PALM2AKAP2: variants seen among roughly 807,000 people sequenced by gnomAD.
The protein encoded by PALM2AKAP2 is PALM2 and AKAP2 fusion, also known as PALM2-AKAP2 fusion protein.
Under a neutral mutation model 71.5 loss-of-function variants are expected in PALM2AKAP2, and 37 were observed. The observed-to-expected ratio is 0.52, with a 90% CI of 0.40 to 0.68. The LOEUF (loss-of-function observed/expected upper bound fraction) is 0.68, where lower values mean the gene tolerates loss of function less well. Among genes scored for constraint, PALM2AKAP2 ranks in the 30% least tolerant of loss-of-function variants. The probability of loss-of-function intolerance (pLI) is 0.00; values close to 1 mark genes in which losing one functional copy is unlikely to be tolerated. For synonymous variants in PALM2AKAP2, 468 were observed against 478.8 expected, an observed-to-expected ratio of 0.98 and a Z score of 0.29; for missense variants, 1,224 against 1,191.8, an observed-to-expected ratio of 1.03 and a Z score of -0.40.
chr9:109,742,593 A>G lies in PALM2AKAP2; in HGVS notation c.6-37895A>G, dbSNP rs528396748. On this transcript the variant is annotated intron_variant, in intron 1 of 6. Coordinates refer to the PALM2AKAP2 transcript ENST00000374531. ...TCTGTGTTCTATATGGCTCCCACAC[A>G]TACTATGACCATTTCCACTTGAGGT... 2.0e-5 allele frequency among the ~76,000 whole-genome samples: 3 copies of G among 152,310 alleles called. No homozygotes were observed. The East Asian group carries it at 5.8e-4, about 29-fold the overall frequency.
intron 1 of PALM2AKAP2, among the ~76,000 whole-genome samples, chr9:109,768,088 GACAGGC>G (rs1829191783): frequency 1.3e-5 from 2 of 150,418 alleles, no homozygotes; most frequent in African/African-American, 4.9e-5. Flanking sequence ...AGGGAGGGAA[GACAGGC>G]AGGAAGAAAG....
At chr9:110,132,039 G>A (rs1835746490) in intron 1 of PALM2AKAP2, among the ~76,000 whole-genome samples, 1 of 20,024 alleles carries the variant, frequency 5.0e-5, no homozygotes, top group Admixed American at 3.9e-4. Context: ...TAGCGTGTGT[G>A]TGTGTGTGTG....
At chr9:109,669,537 A>G (rs1827544014) in intron 1 of PALM2AKAP2, among the ~76,000 whole-genome samples, 1 of 152,040 alleles carries the variant, frequency 6.6e-6, no homozygotes, top group Non-Finnish European at 1.5e-5. Flanking sequence ...TCTTCCTTAA[A>G]TGTTTGATAG....
chr9:110,016,990 C>G (rs990953073), intron 7 of PALM2AKAP2, among the ~76,000 whole-genome samples: 1 of 152,184 alleles, frequency 6.6e-6, no homozygotes, highest in African/African-American at 2.4e-5. Flanking sequence ...TGCCATTCTC[C>G]TGCCTCAGCC....
At chr9:109,691,879 CACAT>C (rs1302428531) in intron 1 of PALM2AKAP2, among the ~76,000 whole-genome samples, 581 of 50,458 alleles carry the variant, frequency 0.012, 31 homozygotes, top group Middle Eastern at 0.025. Context: ...CACACACACA[CACAT>C]ATATATATAT....
intron 1 of PALM2AKAP2, among the ~76,000 whole-genome samples, chr9:109,754,689 G>C (rs893453354): frequency 1.3e-5 from 2 of 152,076 alleles, no homozygotes; most frequent in Non-Finnish European, 2.9e-5. Context: ...TTCCTAGTTG[G>C]CAGATGGCCT....
chr9:110,033,376 G>C (rs1011041436), intron 7 of PALM2AKAP2, among the ~76,000 whole-genome samples: 1 of 152,156 alleles, frequency 6.6e-6, no homozygotes, highest in African/African-American at 2.4e-5. Context: ...AACAGTCATT[G>C]ACTTCTTCCT....
intron 6 of PALM2AKAP2, among the ~76,000 whole-genome samples, chr9:109,936,262 G>A (rs1405909051): frequency 1.3e-5 from 2 of 152,180 alleles, no homozygotes; most frequent in Non-Finnish European, 2.9e-5. Flanking sequence ...CTATTTTGAA[G>A]TAGACAATAA....
chr9:109,758,558 G>A (rs973929539), intron 1 of PALM2AKAP2, among the ~76,000 whole-genome samples: 2 of 151,386 alleles, frequency 1.3e-5, no homozygotes, highest in African/African-American at 2.4e-5. Context: ...GTGTGTCAAT[G>A]TAAAGACAAA....
chr9:109,790,551 C>T (rs1369037022), intron 1 of PALM2AKAP2, among the ~76,000 whole-genome samples: 1 of 152,124 alleles, frequency 6.6e-6, no homozygotes, highest in Non-Finnish European at 1.5e-5. Context: ...CCAATAAATA[C>T]CAAATGGGGC....
intron 1 of PALM2AKAP2, among the ~76,000 whole-genome samples, chr9:110,072,466 A>G (rs1029872458): frequency 1.4e-4 from 21 of 152,338 alleles, no homozygotes; most frequent in African/African-American, 5.1e-4. Context: ...TCATGCATGG[A>G]AAAGGAAGAG....
chr9:109,977,354 T>C (rs1751435593), intron 6 of PALM2AKAP2, among the ~76,000 whole-genome samples: 1 of 152,212 alleles, frequency 6.6e-6, no homozygotes, highest in South Asian at 2.1e-4. Flanking sequence ...TTGCATCAAT[T>C]TTCTGATTGC....
At chr9:109,809,094 A>C (rs1827658454) in intron 1 of PALM2AKAP2, among the ~76,000 whole-genome samples, 1 of 152,202 alleles carries the variant, frequency 6.6e-6, no homozygotes, top group African/African-American at 2.4e-5. Context: ...GCAGTGTGGA[A>C]AGGAAATGTG....
At chr9:109,682,664 C>G (rs965306245) in intron 1 of PALM2AKAP2, among the ~76,000 whole-genome samples, 2 of 152,134 alleles carry the variant, frequency 1.3e-5, no homozygotes, top group African/African-American at 4.8e-5. Flanking sequence ...TTTGGAGTAC[C>G]TTATGTTGCA....
chr9:109,750,259 G>T (rs954607604), intron 1 of PALM2AKAP2, among the ~76,000 whole-genome samples: 2 of 152,146 alleles, frequency 1.3e-5, no homozygotes, highest in African/African-American at 4.8e-5. Flanking sequence ...CTCAAGCACA[G>T]GAAATTAGTT....
At chr9:109,810,675 A>T (rs138228522) in intron 1 of PALM2AKAP2, among the ~76,000 whole-genome samples, 7 of 152,152 alleles carry the variant, frequency 4.6e-5, no homozygotes, top group Non-Finnish European at 7.4e-5. Context: ...GATGAGGGAG[A>T]TTGTGGGCTT....
chr9:110,134,021 T>C (rs1835792138), intron 1 of PALM2AKAP2, among the ~76,000 whole-genome samples: 1 of 152,240 alleles, frequency 6.6e-6, no homozygotes, highest in Non-Finnish European at 1.5e-5. Flanking sequence ...GCAGGGTGGC[T>C]CATGCCTGTA....
intron 1 of PALM2AKAP2, among the ~76,000 whole-genome samples, chr9:110,102,257 A>G (rs905845981): frequency 1.3e-5 from 2 of 152,238 alleles, no homozygotes; most frequent in Admixed American, 6.5e-5. Flanking sequence ...GAATATCCTT[A>G]TTAATGGAAT....
chr9:109,736,767 G>C (rs565078558), intron 1 of PALM2AKAP2, among the ~76,000 whole-genome samples: 1 of 151,764 alleles, frequency 6.6e-6, no homozygotes, highest in Non-Finnish European at 1.5e-5. Context: ...CCACTCTCCC[G>C]CCATCCCACC....
Sources: gnomAD v4.1 joint callset for allele counts (sites outside exome capture counted in the v4.1 genomes callset) on GRCh38, gnomAD v4.1.1 for gene constraint, MANE v1.5 for transcripts, NCBI Gene and HGNC (gene_info 2026-07-23, HGNC 2026-07-21) for gene names.